The following PCDH9 variants were observed in gnomAD, a reference collection of about 807,000 sequenced individuals.
PCDH9 encodes the protein protocadherin-9.
PCDH9 carries 24 observed loss-of-function variants against 70.6 expected under a neutral mutation model. The ratio of observed to expected loss-of-function variants is 0.34; its 90% CI spans 0.25 to 0.48. The LOEUF is 0.48. PCDH9 is among the 20% of genes least tolerant of loss of function. PCDH9 has a pLI of 0.99. For missense variants in PCDH9, 1,281 were observed against 1,503.6 expected, an observed-to-expected ratio of 0.85 and a Z score of 2.45; for synonymous variants, 562 against 558.5, an observed-to-expected ratio of 1.01 and a Z score of -0.09.
chr13:66,349,372 G>A (rs1163978256), intron 4 of PCDH9, among the ~76,000 whole-genome samples: 1 of 152,216 alleles, frequency 6.6e-6, no homozygotes, highest in African/African-American at 2.4e-5. Flanking sequence ...ACAAGTTACT[G>A]CTGTAGGATA....
At chr13:66,666,387 T>G (rs1241111257) in intron 3 of PCDH9, among the ~76,000 whole-genome samples, 1 of 151,776 alleles carries the variant, frequency 6.6e-6, no homozygotes, top group Non-Finnish European at 1.5e-5. Context: ...CATTTGCTCC[T>G]CATGCCACAG....
chr13:66,419,266 A>C (rs747097578), intron 4 of PCDH9, among the ~76,000 whole-genome samples: 1 of 152,196 alleles, frequency 6.6e-6, no homozygotes, highest in Non-Finnish European at 1.5e-5. Flanking sequence ...TTTCAGGCCA[A>C]TATCCCTGAT....
intron 4 of PCDH9, among the ~76,000 whole-genome samples, chr13:66,536,681 C>T (rs115084263): frequency 0.016 from 2,380 of 152,050 alleles, 53 homozygotes; most frequent in African/African-American, 0.053. Flanking sequence ...GATATAGCTT[C>T]TGAAAATTGG....
chr13:66,537,105 C>T (rs545341413), intron 4 of PCDH9, among the ~76,000 whole-genome samples: 2 of 152,068 alleles, frequency 1.3e-5, no homozygotes, highest in Admixed American at 6.6e-5. Flanking sequence ...GAATGCATAG[C>T]TATCAAGCAT....
chr13:66,798,036 C>A (rs1434132165), intron 3 of PCDH9, among the ~76,000 whole-genome samples: 1 of 149,928 alleles, frequency 6.7e-6, no homozygotes, highest in Non-Finnish European at 1.5e-5. Context: ...AGGAAGAGAG[C>A]AAGAGAAAGA....
chr13:66,765,027 GCT>G (rs759450518), intron 3 of PCDH9, among the ~76,000 whole-genome samples: 7 of 144,112 alleles, frequency 4.9e-5, no homozygotes, highest in African/African-American at 1.0e-4. Context: ...TTTCTCTTTC[GCT>G]CTCTCTCTTT....
chr13:67,191,226 T>C (rs2088902566), intron 2 of PCDH9, among the ~76,000 whole-genome samples: 1 of 152,150 alleles, frequency 6.6e-6, no homozygotes, highest in African/African-American at 2.4e-5. Flanking sequence ...ATCACATAAT[T>C]TTATAACTAC....
chr13:66,775,023 T>G (rs1033772576), intron 3 of PCDH9, among the ~76,000 whole-genome samples: 5 of 152,206 alleles, frequency 3.3e-5, no homozygotes, highest in African/African-American at 1.2e-4. Context: ...GATGATTAAG[T>G]TCCCATTTTT....
rs750531573 is a variant in PCDH9 at position 67,227,111 on chromosome 13, A to C, written c.1330T>G (p.Ser444Ala). 6.2e-7 allele frequency: 1 copy of C among 1,614,044 alleles called. No homozygotes were observed. The highest frequency in any genetic ancestry group is 8.5e-7 in the Non-Finnish European group (1 of 1,179,946). Reference protein sequence around the residue: ...EFSFKIVASDSGKPSLNQTAL... With the variant: ...EFSFKIVASDAGKPSLNQTAL... The stretch of plus-strand genomic sequence containing the variant: ...GTCTGATTTAAACTGGGCTTCCCAG[A>C]ATCAGAGGCAACAATTTTAAAGCTG... Residue 444 changes from serine (S) to alanine (A), a missense_variant, in exon 2 of 5, where the codon TCT becomes GCT. Coordinates refer to ENST00000377865, the MANE Select transcript of PCDH9 (RefSeq NM_203487.3). This position sits in a 1 kb window ranked among gnomAD's most constrained non-coding sequence, Gnocchi z 4.6.
At chr13:67,011,523 C>T (rs867296982) in intron 2 of PCDH9, among the ~76,000 whole-genome samples, 7 of 151,700 alleles carry the variant, frequency 4.6e-5, no homozygotes, top group African/African-American at 1.5e-4. Context: ...GAGTATTATT[C>T]GTATGCCAAA....
intron 3 of PCDH9, among the ~76,000 whole-genome samples, chr13:66,753,930 A>T (rs1309410258): frequency 6.6e-6 from 1 of 152,168 alleles, no homozygotes; most frequent in Non-Finnish European, 1.5e-5. Context: ...CTGAACCTTC[A>T]TATTCTTCTG....
intron 3 of PCDH9, among the ~76,000 whole-genome samples, chr13:66,681,975 G>T (rs1257470396): frequency 1.5e-5 from 1 of 65,406 alleles, no homozygotes; most frequent in East Asian, 3.7e-4. Context: ...ATATTTGAGA[G>T]ATTTTGGTTT....
intron 4 of PCDH9, among the ~76,000 whole-genome samples, chr13:66,582,743 C>T (rs1408019116): frequency 6.6e-6 from 1 of 152,128 alleles, no homozygotes; most frequent in East Asian, 1.9e-4. Context: ...GAAAGATATC[C>T]TTGTGTGAAC....
chr13:66,603,481 T>C (rs555638135), intron 4 of PCDH9, among the ~76,000 whole-genome samples: 2 of 152,088 alleles, frequency 1.3e-5, no homozygotes, highest in Non-Finnish European at 2.9e-5. Context: ...TCTTTGAAAA[T>C]TGTTCAATGG....
At chr13:66,676,079 T>C (rs1000316725) in intron 3 of PCDH9, among the ~76,000 whole-genome samples, 20 of 152,116 alleles carry the variant, frequency 1.3e-4, no homozygotes, top group Non-Finnish European at 1.8e-4. Flanking sequence ...AACCCTGGAT[T>C]TTGTTAAGGG....
chr13:66,874,096 A>G (rs2081752054), intron 3 of PCDH9, among the ~76,000 whole-genome samples: 1 of 151,822 alleles, frequency 6.6e-6, no homozygotes, highest in Admixed American at 6.6e-5. Context: ...GTGTGCCACC[A>G]TGTCCAGCTG....
chr13:66,637,432 T>A (rs183598130), intron 3 of PCDH9, among the ~76,000 whole-genome samples: 55 of 152,288 alleles, frequency 3.6e-4, no homozygotes, highest in African/African-American at 1.3e-3. Flanking sequence ...CAGATAAAAT[T>A]ATAAAGCACT....
chr13:66,364,770 C>T (rs963767658), intron 4 of PCDH9, among the ~76,000 whole-genome samples: 1 of 152,138 alleles, frequency 6.6e-6, no homozygotes, highest in Non-Finnish European at 1.5e-5. Flanking sequence ...ACTGCTACAT[C>T]CTTCATAGGT....
intron 3 of PCDH9, among the ~76,000 whole-genome samples, chr13:66,752,645 T>C (rs2139230102): frequency 6.6e-6 from 1 of 152,342 alleles, no homozygotes; most frequent in African/African-American, 2.4e-5. Context: ...TATTTGTGAA[T>C]TTAAATTTTT....
Sources: allele counts gnomAD v4.1 joint callset (sites outside exome capture counted in the v4.1 genomes callset), GRCh38; gene constraint gnomAD v4.1.1; non-coding constraint Gnocchi (gnomAD v3.1); transcripts MANE v1.5; gene names NCBI Gene and HGNC (gene_info 2026-07-23, HGNC 2026-07-21).